The following ADAM17 variants were observed in gnomAD, a reference collection of about 807,000 sequenced individuals.
The protein encoded by ADAM17 is disintegrin and metalloproteinase domain-containing protein 17.
A neutral mutation model predicts 96.7 loss-of-function variants in ADAM17; 39 were observed. That is an observed-to-expected ratio of 0.40 (90% CI 0.31 to 0.53). The LOEUF (loss-of-function observed/expected upper bound fraction) is 0.53. Among genes scored for constraint, ADAM17 ranks in the 20% least tolerant of loss-of-function variants. The pLI, the probability that ADAM17 is intolerant of heterozygous loss-of-function variation, is 0.44. For synonymous variants in ADAM17, 344 were observed against 359.2 expected, an observed-to-expected ratio of 0.96 and a Z score of 0.48; for missense variants, 777 against 1,013.2, an observed-to-expected ratio of 0.77 and a Z score of 3.17.
In ADAM17 at chr2:9,555,598, T is replaced by C; in HGVS notation, c.8A>G (p.Gln3Arg). Residue 3 changes from glutamine (Q) to arginine (R), a missense_variant, in exon 1 of 19, where the codon CAG (glutamine) becomes CGG (arginine). By Grantham distance (43) the Gln-to-Arg change is conservative. Coordinates refer to ENST00000310823, the MANE Select transcript of ADAM17 (RefSeq NM_003183.6). Reference protein sequence around the residue: MRQSLLFLTSVVP... With the variant: MRRSLLFLTSVVP... ...CACGCTGGTCAGGAATAGGAGAGAC[T>C]GCCTCATGTTCCCGGCCCCGCTACC... 1 of 1,579,792 alleles carries C rather than the reference T, an allele frequency of 6.3e-7. No individual in the cohort carries two copies. The highest frequency in any genetic ancestry group is 8.6e-7 in the Non-Finnish European group (1 of 1,162,232).
chr2:9,495,185 T>C (rs1270177222), intron 14 of ADAM17, among the ~76,000 whole-genome samples: 1 of 152,198 alleles, frequency 6.6e-6, no homozygotes, highest in African/African-American at 2.4e-5. Context: ...CGAGAGCAGC[T>C]GGGACACAAC....
Position 9,497,093 on chromosome 2 carries a change from A to C in ADAM17, c.1783+21T>G, listed in dbSNP as rs560647524. The C allele has an allele frequency of 5.6e-6, 9 of 1,610,316 alleles. No homozygotes were observed. In the South Asian group the frequency reaches 8.8e-5, roughly 16 times the overall value. Reference sequence around the variant, plus strand: ...AGGCCATGTTTTCTCCTGCTGCTGGACTGGGAATAAAACTGCTCACCATTA... The same window carrying C: ...AGGCCATGTTTTCTCCTGCTGCTGGCCTGGGAATAAAACTGCTCACCATTA... On this transcript the variant is annotated intron_variant, in intron 14 of 18. Coordinates refer to ENST00000310823, the MANE Select transcript of ADAM17 (RefSeq NM_003183.6).
chr2:9,528,328 A>G (rs1250693075), intron 4 of ADAM17, among the ~76,000 whole-genome samples: 2 of 152,218 alleles, frequency 1.3e-5, no homozygotes, highest in Non-Finnish European at 2.9e-5. Context: ...TGCTATAGTA[A>G]TGAAAATTGG....
intron 6 of ADAM17, among the ~76,000 whole-genome samples, chr2:9,524,617 G>C (rs914743379): frequency 2.6e-5 from 4 of 152,128 alleles, no homozygotes; most frequent in Non-Finnish European, 5.9e-5. Context: ...CTCTTGGTGA[G>C]TACCTCGAAT....
intron 4 of ADAM17, among the ~76,000 whole-genome samples, chr2:9,532,674 G>A (rs1176156626): frequency 7.3e-6 from 1 of 136,678 alleles, no homozygotes; most frequent in Non-Finnish European, 1.5e-5. Context: ...GAGGAGTAGA[G>A]ACAAGGTCTC....
chr2:9,525,299 G>GAAA (rs374286925), intron 6 of ADAM17, among the ~76,000 whole-genome samples: 1,721 of 123,326 alleles, frequency 0.014, 20 homozygotes, highest in Non-Finnish European at 0.02. Context: ...ACTCTGTGTT[G>GAAA]AAAAAAAAAA....
Position 9,490,512 on chromosome 2 carries a change from C to T in ADAM17, c.2140G>A (p.Glu714Lys), listed in dbSNP as rs369159078. 5.6e-6 allele frequency: 9 copies of T among 1,610,012 alleles called. No individual in the cohort carries two copies. Among genetic ancestry groups the T allele is most frequent in the African/African-American group, 4.0e-5 (3 of 74,784 alleles). The part of the protein sequence containing the change: ...SLSLFHPSNV[E>K]MLSSMDSASV... ...GCAGAATCCATGCTGCTCAGCATTT[C>T]GACGTTCTGCAAAGACATGGGTTCA... Residue 714 changes from glutamate (E) to lysine (K), a missense_variant, in exon 19 of 19, where the codon GAA (glutamate) becomes AAA (lysine). Coordinates refer to ENST00000310823, the MANE Select transcript of ADAM17 (RefSeq NM_003183.6).
intron 5 of ADAM17, chr2:9,527,395 G>C (rs534291195): frequency 1.3e-5 from 2 of 153,726 alleles, no homozygotes; most frequent in Non-Finnish European, 2.9e-5. Context: ...TCCCAAGATG[G>C]ATATAACCTT....
At chr2:9,498,866 G>A (rs1662808428) in intron 13 of ADAM17, among the ~76,000 whole-genome samples, 1 of 152,182 alleles carries the variant, frequency 6.6e-6, no homozygotes, top group Non-Finnish European at 1.5e-5. Flanking sequence ...ACTAAAGTCA[G>A]AGTATTAGAC....
intron 1 of ADAM17, 111 bp from the exon 2 acceptor site, chr2:9,543,396 G>A: frequency 2.1e-6 from 2 of 960,304 alleles, no homozygotes; most frequent in Non-Finnish European, 2.8e-6. Context: ...CCATTAGGAA[G>A]TGCCAAGCAC....
intron 6 of ADAM17, among the ~76,000 whole-genome samples, chr2:9,524,980 C>T (rs925747523): frequency 6.6e-6 from 1 of 152,046 alleles, no homozygotes; most frequent in Non-Finnish European, 1.5e-5. Context: ...AAGACTAGAT[C>T]TCTCATTATA....
At chr2:9,494,849 G>A (rs371963579) in intron 14 of ADAM17, 82 bp from the exon 15 acceptor site, 12 of 1,534,374 alleles carry the variant, frequency 7.8e-6, no homozygotes, top group African/African-American at 5.6e-5. Context: ...CCCTGACCAT[G>A]CTCCCAAAGA....
At chr2:9,504,632 G>A (rs1663261723) in intron 12 of ADAM17, among the ~76,000 whole-genome samples, 1 of 150,330 alleles carries the variant, frequency 6.7e-6, no homozygotes, top group Non-Finnish European at 1.5e-5. Context: ...GCATGGTGGT[G>A]CGTGCCTGTA....
intron 2 of ADAM17, among the ~76,000 whole-genome samples, chr2:9,541,247 C>A (rs539524158): frequency 3.9e-5 from 6 of 152,060 alleles, no homozygotes; most frequent in Non-Finnish European, 8.8e-5. Context: ...CACACAGAGA[C>A]CTATAGGCAA....
chr2:9,512,468 G>A (rs1032503185), intron 10 of ADAM17: 4 of 152,124 alleles, frequency 2.6e-5, no homozygotes, highest in African/African-American at 7.2e-5. Flanking sequence ...CCCTGGTTAC[G>A]GTCTTCTGTT....
At chr2:9,496,292 C>T (rs994916718) in intron 14 of ADAM17, 1 of 151,974 alleles carries the variant, frequency 6.6e-6, no homozygotes, top group African/African-American at 2.4e-5. Flanking sequence ...CCACACCCGG[C>T]TAATTTTTTT....
chr2:9,527,943 T>C lies in ADAM17; in HGVS notation c.462A>G (p.Arg154=), dbSNP rs549352854. 1.1e-5 allele frequency: 17 copies of C among 1,552,748 alleles called. No homozygotes were observed. In the South Asian group the frequency reaches 1.9e-4, roughly 17 times the overall value. ...GAEYNIEPLW[R]FVNDTKDKRM... ...TTTTGTCTTTGGTATCATTAACAAA[T>C]CTCCAAAGTGGCTAAAACAGAAAAT... Residue 154 remains arginine, a synonymous_variant, in exon 5 of 19, where the codon AGA becomes AGG. Coordinates refer to ENST00000310823, the MANE Select transcript of ADAM17 (RefSeq NM_003183.6).
intron 16 of ADAM17, 64 bp downstream of exon 16, chr2:9,493,683 C>G (rs1224108322): frequency 9.1e-6 from 13 of 1,430,254 alleles, no homozygotes; most frequent in Non-Finnish European, 1.3e-5. Context: ...TGAAAGCACA[C>G]TTTTCTAATG....
At chr2:9,518,580 C>T (rs1664175144) in intron 8 of ADAM17, among the ~76,000 whole-genome samples, 1 of 152,192 alleles carries the variant, frequency 6.6e-6, no homozygotes, top group African/African-American at 2.4e-5. Context: ...TGCTCCAATT[C>T]GATAAGGGGA....
Sources: gnomAD v4.1 joint callset for allele counts (sites outside exome capture counted in the v4.1 genomes callset) on GRCh38, gnomAD v4.1.1 for gene constraint, MANE v1.5 for transcripts, NCBI Gene and HGNC (gene_info 2026-07-23, HGNC 2026-07-21) for gene names.